LRBA: variants seen among roughly 807,000 people sequenced by gnomAD.
LRBA encodes LPS responsive beige-like anchor protein, also known as lipopolysaccharide-responsive and beige-like anchor protein.
A neutral mutation model predicts 330.0 loss-of-function variants in LRBA; 176 were observed. The observed-to-expected ratio is 0.53, with a 90% confidence interval of 0.47 to 0.60. The LOEUF (loss-of-function observed/expected upper bound fraction) is 0.60. Among genes scored for constraint, LRBA ranks in the 20% least tolerant of loss-of-function variants. LRBA has a pLI of 0.00. For missense variants in LRBA, 3,259 were observed against 3,444.8 expected (o/e 0.95, Z 1.35); for synonymous variants, 1,230 against 1,193.0 (o/e 1.03, Z -0.64).
At chr4:150,390,981 T>A (rs1743831862) in intron 47 of LRBA, among the ~76,000 whole-genome samples, 1 of 152,168 alleles carries the variant, frequency 6.6e-6, no homozygotes, top group Non-Finnish European at 1.5e-5. Flanking sequence ...AATAGACCCA[T>A]CCTCCCTTGC....
At chr4:150,510,946 C>T (rs1761761336) in intron 40 of LRBA, among the ~76,000 whole-genome samples, 1 of 152,118 alleles carries the variant, frequency 6.6e-6, no homozygotes. Flanking sequence ...ACCTCCGCCT[C>T]CCGGGTTCAA....
intron 40 of LRBA, among the ~76,000 whole-genome samples, chr4:150,571,649 G>GT (rs58652637): frequency 0.27 from 20,404 of 74,740 alleles, 3,324 homozygotes; most frequent in Non-Finnish European, 0.35. Context: ...CTGGTTAGTT[G>GT]TTTTTTTTTT....
At chr4:150,846,001 C>A (rs1039070878) in intron 26 of LRBA, among the ~76,000 whole-genome samples, 1 of 152,136 alleles carries the variant, frequency 6.6e-6, no homozygotes, top group East Asian at 1.9e-4. Flanking sequence ...AATGAGGACA[C>A]CAGTGTCCAT....
chr4:150,664,435 C>A (rs1286967417), intron 37 of LRBA, among the ~76,000 whole-genome samples: 2 of 152,096 alleles, frequency 1.3e-5, no homozygotes, highest in African/African-American at 4.8e-5. Flanking sequence ...TATCATAAAG[C>A]ATAATAGCCT....
intron 43 of LRBA, among the ~76,000 whole-genome samples, chr4:150,469,041 T>A (rs953051574): frequency 2.6e-5 from 4 of 151,696 alleles, no homozygotes; most frequent in African/African-American, 9.7e-5. Context: ...GAAAAAAAAA[T>A]TTTATGCTCC....
chr4:150,447,153 C>A (rs1210669315), intron 44 of LRBA, among the ~76,000 whole-genome samples: 1 of 152,186 alleles, frequency 6.6e-6, no homozygotes, highest in African/African-American at 2.4e-5. Flanking sequence ...TTATAAGTTA[C>A]TACCTTCCCT....
At chr4:150,823,142 T>C (rs776679981) in intron 30 of LRBA, among the ~76,000 whole-genome samples, 1 of 152,188 alleles carries the variant, frequency 6.6e-6, no homozygotes, top group Non-Finnish European at 1.5e-5. Flanking sequence ...TGATATCTCA[T>C]TGTTTTGATT....
chr4:150,818,915 T>A (rs1422146986), intron 30 of LRBA, among the ~76,000 whole-genome samples: 2 of 152,070 alleles, frequency 1.3e-5, no homozygotes, highest in Non-Finnish European at 2.9e-5. Flanking sequence ...CTTCTAGGAA[T>A]TTCCTCAAGA....
At chr4:150,973,784 G>C (rs1739849644) in intron 2 of LRBA, among the ~76,000 whole-genome samples, 1 of 152,132 alleles carries the variant, frequency 6.6e-6, no homozygotes, top group African/African-American at 2.4e-5. Flanking sequence ...CTTCAGCCCA[G>C]GAATTCAAGA....
chr4:150,315,146 A>G, intron 51 of LRBA: 1 of 251,372 alleles, frequency 4.0e-6, no homozygotes, highest in Non-Finnish European at 7.7e-6. Context: ...CAGTGCTGCT[A>G]AGAACCCCAC....
At position 150,564,353 on chromosome 4, in the gene LRBA, G is replaced by A. The variant is rs140651842; in HGVS notation, c.6330+23695C>T. 4.2e-3 allele frequency among the ~76,000 whole-genome samples: 641 copies of A among 152,246 alleles called. 3 individuals carry two copies. The highest frequency in any genetic ancestry group is 0.015 in the African/African-American group (620 of 41,534). On this transcript the variant is annotated intron_variant, in intron 40 of 56. Coordinates refer to ENST00000651943, the MANE Select transcript of LRBA (RefSeq NM_001364905.1). ...AGCCATAAGTAGAAAGCTGAAACTG[G>A]ATCCCTTCCTTATCCCTCATACAAA... is the stretch of plus-strand genomic sequence containing the variant.
chr4:150,735,458 T>C, intron 35 of LRBA, 92 bp from the exon 36 acceptor site: 1 of 826,720 alleles, frequency 1.2e-6, no homozygotes. Flanking sequence ...AAGGAATACT[T>C]ACTTTCTTCT....
At chr4:150,722,946 G>C (rs1265968859) in intron 36 of LRBA, among the ~76,000 whole-genome samples, 1 of 152,054 alleles carries the variant, frequency 6.6e-6, no homozygotes, top group Non-Finnish European at 1.5e-5. Context: ...TCTCAGTGCT[G>C]CCCTGTCAGA....
intron 29 of LRBA, among the ~76,000 whole-genome samples, chr4:150,828,922 G>GTGGGTGTGTGTGT (rs1560878315): frequency 3.8e-5 from 4 of 106,176 alleles, no homozygotes; most frequent in African/African-American, 1.8e-4. Flanking sequence ...CTTTTTTGGG[G>GTGGGTGTGTGTGT]GTGTGTGTGT....
intron 47 of LRBA, among the ~76,000 whole-genome samples, chr4:150,370,135 C>G (rs867143662): frequency 6.6e-6 from 1 of 152,212 alleles, no homozygotes; most frequent in Non-Finnish European, 1.5e-5. Context: ...CAGTTTCTTA[C>G]AAAACTAAAC....
chr4:150,508,421 T>A (rs1235223388), intron 40 of LRBA, among the ~76,000 whole-genome samples: 1 of 151,876 alleles, frequency 6.6e-6, no homozygotes, highest in Non-Finnish European at 1.5e-5. Flanking sequence ...TAGCTGGGAC[T>A]AGGACTACAG....
At chr4:150,424,815 C>T (rs1283455091) in intron 46 of LRBA, among the ~76,000 whole-genome samples, 1 of 152,182 alleles carries the variant, frequency 6.6e-6, no homozygotes, top group Non-Finnish European at 1.5e-5. Context: ...TTTTTTCTCA[C>T]CAGCGATATA....
Position 150,798,068 on chromosome 4 carries a change from T to C in LRBA, c.5580+13A>G. Reference sequence around the variant, plus strand: ...AATCTACTTTTAATTCAACATTTATTCTTGCCACTCACCTGAGAACACAGT... The same window carrying C: ...AATCTACTTTTAATTCAACATTTATCCTTGCCACTCACCTGAGAACACAGT... On this transcript the variant is annotated intron_variant, in intron 34 of 56. Coordinates refer to ENST00000651943, the MANE Select transcript of LRBA (RefSeq NM_001364905.1). 2 of 1,574,352 alleles carry C rather than the reference T, an allele frequency of 1.3e-6. No individual in the cohort carries two copies. Among genetic ancestry groups the C allele is most frequent in the Non-Finnish European group, 1.7e-6 (2 of 1,147,046 alleles).
In LRBA at chr4:150,590,857, T is replaced by C; in HGVS notation, c.6049A>G (p.Thr2017Ala). 1 of 1,613,628 alleles carries C rather than the reference T, an allele frequency of 6.2e-7. No homozygotes were observed. Among genetic ancestry groups the C allele is most frequent in the Non-Finnish European group, 8.5e-7 (1 of 1,179,856 alleles). Residue 2017 changes from threonine to alanine, a missense_variant and splice_region_variant, in exon 39 of 57, where the codon ACA (threonine) becomes GCA (alanine). Transcript: ENST00000651943. ...ATLKTAVEHA[T>A]DEDILAKGKQ... ...CCTTTAGCAAGGATATCTTCATCTG[T>C]GGCTGAAATGAAAAGGAAACAAAGC...
Sources: gnomAD v4.1 joint callset for allele counts (sites outside exome capture counted in the v4.1 genomes callset) on GRCh38, gnomAD v4.1.1 for gene constraint, MANE v1.5 for transcripts, NCBI Gene and HGNC (gene_info 2026-07-23, HGNC 2026-07-21) for gene names.